Variants in NT5E observed in about 807,000 individuals in gnomAD.
NT5E encodes 5'-nucleotidase.
Under a neutral mutation model 55.1 loss-of-function variants are expected in NT5E, and 53 were observed. The observed-to-expected ratio is 0.96, with a 90% CI of 0.77 to 1.21. The LOEUF is 1.21. NT5E is among the 50% of genes most tolerant of loss of function. The pLI, the probability that NT5E is intolerant of heterozygous loss-of-function variation, is 0.00. For missense variants in NT5E, 683 were observed against 724.3 expected (o/e 0.94, Z 0.65); for synonymous variants, 270 against 278.4 (o/e 0.97, Z 0.30).
chr6:85,487,106 G>C (rs1194996724), intron 4 of NT5E, among the ~76,000 whole-genome samples: 1 of 152,244 alleles, frequency 6.6e-6, no homozygotes, highest in African/African-American at 2.4e-5. Context: ...GATGTGATGA[G>C]CTGGTAGATG....
rs1769302762 is a variant in NT5E, at chr6:85,471,349, G to T, written c.675G>T (p.Met225Ile). The T allele has an allele frequency of 3.1e-6, 5 of 1,613,188 alleles. No homozygotes were observed. The highest frequency in any genetic ancestry group is 1.7e-6 in the Non-Finnish European group (2 of 1,179,380). ...CACTGGGACATTCGGGTTTTGAAAT[G>T]GATAAACTCATCGCTCAGAAAGTGA... ...IIALGHSGFE[M>I]DKLIAQKVRG... The change falls in exon 3 of 9, where the codon ATG (methionine) becomes ATT (isoleucine). Residue 225 changes from methionine (M) to isoleucine (I), a missense_variant. Transcript: ENST00000257770.
chr6:85,455,185 T>C (rs1768964081), intron 1 of NT5E, among the ~76,000 whole-genome samples: 1 of 152,234 alleles, frequency 6.6e-6, no homozygotes, highest in Non-Finnish European at 1.5e-5. Context: ...ACAGAGTTCC[T>C]AAAACCCTAG....
At chr6:85,493,210 G>C (rs1167235727) in intron 8 of NT5E, among the ~76,000 whole-genome samples, 1 of 152,196 alleles carries the variant, frequency 6.6e-6, no homozygotes, top group Non-Finnish European at 1.5e-5. Context: ...CAGCTCTTAA[G>C]AGATTCTAAG....
At chr6:85,470,875 A>G (rs1562139800) in intron 2 of NT5E, among the ~76,000 whole-genome samples, 1 of 152,230 alleles carries the variant, frequency 6.6e-6, no homozygotes, top group Non-Finnish European at 1.5e-5. Flanking sequence ...GGAGTTGCTA[A>G]TACTCTTTTG....
chr6:85,468,667 T>C (rs992282022), intron 2 of NT5E, among the ~76,000 whole-genome samples: 3 of 152,272 alleles, frequency 2.0e-5, no homozygotes, highest in African/African-American at 4.8e-5. Flanking sequence ...GGGTTCTGAC[T>C]AGGAAAAGCT....
chr6:85,487,022 T>A (rs1361094433), intron 4 of NT5E, among the ~76,000 whole-genome samples: 1 of 152,184 alleles, frequency 6.6e-6, no homozygotes. Context: ...CTTTTATAAC[T>A]GCCCCTGGGC....
chr6:85,476,547 G>A (rs1349994630), intron 3 of NT5E, among the ~76,000 whole-genome samples: 1 of 152,184 alleles, frequency 6.6e-6, no homozygotes, highest in Non-Finnish European at 1.5e-5. Flanking sequence ...TGCTGTCCAT[G>A]GACAGCTTAA....
In NT5E at chr6:85,450,208, G is replaced by C; in HGVS notation, c.69G>C (p.Ala23=). ...LLALGAVLWP[A]AGAWELTILH... is the part of the protein sequence containing the mutation. ...CCCTGGGCGCGGTGCTGTGGCCTGC[G>C]GCTGGCGCCTGGGAGCTTACGATTT... The change falls in exon 1 of 9, where the codon GCG becomes GCC. Residue 23 remains alanine (A), a synonymous_variant. Transcript: ENST00000257770. The surrounding 1 kb of genome is among the most constrained non-coding windows in gnomAD (Gnocchi z 4.0). The C allele has an allele frequency of 6.2e-7, 1 of 1,608,708 alleles. No homozygotes were observed. The highest frequency in any genetic ancestry group is 8.5e-7 in the Non-Finnish European group (1 of 1,178,778).
intron 2 of NT5E, 61 bp downstream of exon 2, chr6:85,467,343 C>A: frequency 1.4e-6 from 2 of 1,381,038 alleles, no homozygotes; most frequent in Non-Finnish European, 2.1e-6. Context: ...CACAGCTTGG[C>A]ATTATATTTA....
In NT5E at chr6:85,450,612, G is replaced by C; in HGVS notation, c.339+134G>C. ...AGATGTGGGGATAAAGTGAGACTCC[G>C]GCCAGTGTGCCAGCTGGATGCATAG... On this transcript the variant is annotated intron_variant, in intron 1 of 8. Coordinates refer to ENST00000257770, the MANE Select transcript of NT5E (RefSeq NM_002526.4). The surrounding 1 kb of genome is among the most constrained non-coding windows in gnomAD (Gnocchi z 4.0). 1 of 818,848 alleles carries C rather than the reference G, an allele frequency of 1.2e-6. No individual in the cohort carries two copies. Among genetic ancestry groups the C allele is most frequent in the Non-Finnish European group, 2.0e-6 (1 of 495,864 alleles). 50.7% of individuals were successfully genotyped at this position (818,848 alleles called of 1,614,324 possible).
chr6:85,461,543 C>T (rs1328927871), intron 1 of NT5E, among the ~76,000 whole-genome samples: 1 of 152,194 alleles, frequency 6.6e-6, no homozygotes, highest in Non-Finnish European at 1.5e-5. Flanking sequence ...AAATGGGTGT[C>T]TCCAGATATA....
At chr6:85,471,170 A>C in intron 2 of NT5E, 67 bp from the exon 3 acceptor site, 12 of 1,098,434 alleles carry the variant, frequency 1.1e-5, no homozygotes, top group Non-Finnish European at 1.4e-5. Context: ...TTGCATGTTA[A>C]TATGTATATT....
At chr6:85,475,244 T>G (rs994371055) in intron 3 of NT5E, among the ~76,000 whole-genome samples, 2 of 152,216 alleles carry the variant, frequency 1.3e-5, no homozygotes, top group African/African-American at 4.8e-5. Context: ...CCTCATATTT[T>G]CTGTTCTGTT....
At chr6:85,453,305 G>A (rs1033624287) in intron 1 of NT5E, among the ~76,000 whole-genome samples, 1 of 152,168 alleles carries the variant, frequency 6.6e-6, no homozygotes, top group African/African-American at 2.4e-5. Flanking sequence ...TCTTGCAGAG[G>A]TTTTGTGAGG....
chr6:85,476,668 A>T (rs1056046473), intron 3 of NT5E, among the ~76,000 whole-genome samples: 3 of 152,152 alleles, frequency 2.0e-5, no homozygotes, highest in African/African-American at 7.2e-5. Flanking sequence ...GGAGAACTTT[A>T]TTGCTGATGA....
At chr6:85,474,780 A>T (rs991274390) in intron 3 of NT5E, among the ~76,000 whole-genome samples, 6 of 152,228 alleles carry the variant, frequency 3.9e-5, no homozygotes, top group African/African-American at 7.2e-5. Context: ...AAAAATTTTT[A>T]AAAATTAGCC....
chr6:85,460,645 GT>G (rs577062939), intron 1 of NT5E, among the ~76,000 whole-genome samples: 31 of 151,424 alleles, frequency 2.0e-4, no homozygotes, highest in Non-Finnish European at 2.9e-4. Context: ...CAACTTCTAT[GT>G]TTTTTTTTCC....
chr6:85,460,371 C>A (rs866992418), intron 1 of NT5E, among the ~76,000 whole-genome samples: 1 of 152,138 alleles, frequency 6.6e-6, no homozygotes, highest in African/African-American at 2.4e-5. Context: ...CTAGAGATGG[C>A]GCTCAAGATA....
rs201507071 is a variant in NT5E, at chr6:85,461,432, C to G, written c.340-5628C>G. The stretch of plus-strand genomic sequence containing the variant: ...ATAACTTTAGCAGGAAATTGAACCA[C>G]AAAAAGCAAGCGAGCCACAAAGCCC... On this transcript the variant is annotated intron_variant, in intron 1 of 8. Coordinates refer to ENST00000257770, the MANE Select transcript of NT5E (RefSeq NM_002526.4). 6.8e-3 allele frequency among the ~76,000 whole-genome samples: 1,034 copies of G among 152,212 alleles called. 9 individuals are homozygous for G. Among genetic ancestry groups the G allele is most frequent in the African/African-American group, 0.024 (994 of 41,554 alleles).
Sources: gnomAD v4.1 joint callset for allele counts (sites outside exome capture counted in the v4.1 genomes callset) on GRCh38, gnomAD v4.1.1 for gene constraint, Gnocchi (gnomAD v3.1) non-coding constraint, MANE v1.5 for transcripts, NCBI Gene and HGNC (gene_info 2026-07-23, HGNC 2026-07-21) for gene names.